Variants in MAP3K5 observed in about 807,000 individuals in gnomAD.
MAP3K5 encodes ASK-1.
Under a neutral mutation model 158.7 loss-of-function variants are expected in MAP3K5, and 56 were observed. The ratio of observed to expected loss-of-function variants is 0.35; its 90% CI spans 0.28 to 0.44. The LOEUF (loss-of-function observed/expected upper bound fraction) is 0.44, where lower values mean the gene tolerates loss of function less well. Ranked by LOEUF, MAP3K5 falls within the 20% of genes least tolerant of loss-of-function variation. The probability of loss-of-function intolerance (pLI) is 1.00; values close to 1 mark genes in which losing one functional copy is unlikely to be tolerated. For missense variants in MAP3K5, 1,294 were observed against 1,674.8 expected, an observed-to-expected ratio of 0.77 and a Z score of 3.97; for synonymous variants, 579 against 601.7, an observed-to-expected ratio of 0.96 and a Z score of 0.55.
intron 1 of MAP3K5, among the ~76,000 whole-genome samples, chr6:136,770,136 T>G (rs548315208): frequency 6.6e-6 from 1 of 152,262 alleles, no homozygotes; most frequent in East Asian, 1.9e-4. Context: ...TTATTTATTT[T>G]TATTTTTTGA....
chr6:136,566,007 G>A (rs1774089383), intron 26 of MAP3K5, among the ~76,000 whole-genome samples: 1 of 152,214 alleles, frequency 6.6e-6, no homozygotes, highest in African/African-American at 2.4e-5. Flanking sequence ...TTTCAACAGA[G>A]ATGGGCAGAT....
intron 1 of MAP3K5, among the ~76,000 whole-genome samples, chr6:136,738,961 CA>C (rs1481027099): frequency 4.6e-5 from 7 of 152,198 alleles, no homozygotes; most frequent in Non-Finnish European, 7.4e-5. Flanking sequence ...CACACACACA[CA>C]CACACCCATG....
intron 14 of MAP3K5, chr6:136,637,037 T>C (rs1777669788): frequency 1.7e-6 from 2 of 1,200,066 alleles, no homozygotes; most frequent in Non-Finnish European, 2.1e-6. Context: ...GAATAGAGAA[T>C]GTGTAAGGAC....
chr6:136,714,693 C>T (rs950436824), intron 2 of MAP3K5, among the ~76,000 whole-genome samples: 13 of 152,012 alleles, frequency 8.6e-5, no homozygotes, highest in Admixed American at 5.9e-4. Flanking sequence ...TTCAAGATCC[C>T]GCTTTCAGTT....
chr6:136,683,344 T>C (rs556392648), intron 7 of MAP3K5, among the ~76,000 whole-genome samples: 37 of 152,332 alleles, frequency 2.4e-4, no homozygotes, highest in African/African-American at 8.7e-4. Context: ...CAGGAAAACA[T>C]TGCCTCAGTT....
At chr6:136,642,111 G>GT (rs1778005778) in intron 12 of MAP3K5, among the ~76,000 whole-genome samples, 1 of 151,060 alleles carries the variant, frequency 6.6e-6, no homozygotes, top group Admixed American at 6.6e-5. Context: ...GCAGGACACA[G>GT]TGTAGTAGAC....
chr6:136,574,324 G>A (rs757283096), intron 25 of MAP3K5, among the ~76,000 whole-genome samples: 186 of 152,260 alleles, frequency 1.2e-3, no homozygotes, highest in Non-Finnish European at 1.6e-3. Context: ...GAAGCTCCTC[G>A]TACGTACACA....
In MAP3K5 at chr6:136,590,786, C is replaced by T. The variant is rs550508258; in HGVS notation, c.3225+1387G>A. Among the ~76,000 whole-genome samples, 9 of 152,144 alleles carry T rather than the reference C, an allele frequency of 5.9e-5. No individual in the cohort carries two copies. The South Asian group carries it at 6.2e-4, about 11-fold the overall frequency. ...CGATCTCCTGACCTCGTGATCCACC[C>T]GCCTCAGCCTCCCAAAGTGCTGGGA... On this transcript the variant is annotated intron_variant, in intron 23 of 29. Coordinates refer to ENST00000359015, the MANE Select transcript of MAP3K5 (RefSeq NM_005923.4).
chr6:136,627,700 T>C (rs932944451), intron 14 of MAP3K5, among the ~76,000 whole-genome samples: 8 of 152,202 alleles, frequency 5.3e-5, no homozygotes, highest in Admixed American at 1.3e-4. Flanking sequence ...CTAGAGGAAG[T>C]AGGCCCTCAC....
intron 29 of MAP3K5, 22 bp downstream of exon 29, chr6:136,558,778 A>T (rs754785657): frequency 6.8e-7 from 1 of 1,472,042 alleles, no homozygotes; most frequent in Admixed American, 1.7e-5. Context: ...TTCCATAGTG[A>T]CAACAGAAAG....
At chr6:136,620,555 AG>A (rs1410870836) in intron 15 of MAP3K5, among the ~76,000 whole-genome samples, 6 of 152,144 alleles carry the variant, frequency 3.9e-5, no homozygotes, top group Non-Finnish European at 7.4e-5. Flanking sequence ...GTCCTTCCTA[AG>A]GAAGGCTGGT....
intron 7 of MAP3K5, among the ~76,000 whole-genome samples, chr6:136,693,446 C>A (rs1002024929): frequency 1.3e-5 from 2 of 152,138 alleles, no homozygotes; most frequent in African/African-American, 4.8e-5. Flanking sequence ...CACATGAAAA[C>A]CCCTGCTGGG....
intron 14 of MAP3K5, among the ~76,000 whole-genome samples, chr6:136,632,963 G>C (rs1012489041): frequency 6.6e-6 from 1 of 152,106 alleles, no homozygotes; most frequent in Non-Finnish European, 1.5e-5. Flanking sequence ...TGAATCAAAA[G>C]AAATTGATTT....
At chr6:136,676,481 C>T (rs4363056) in intron 7 of MAP3K5, among the ~76,000 whole-genome samples, 108,527 of 152,072 alleles carry the variant, frequency 0.71, 40,072 homozygotes, top group African/African-American at 0.92. Flanking sequence ...CTTAATGTTA[C>T]TGGAGTTCAC....
rs1359902624 is a variant in MAP3K5 at position 136,669,400 on chromosome 6, A to G, written c.1254-5T>C. 10 of 1,500,482 alleles carry G rather than the reference A, an allele frequency of 6.7e-6. No homozygotes were observed. The highest frequency in any genetic ancestry group is 9.3e-6 in the Non-Finnish European group (10 of 1,078,332). The allele number at this position is 1,500,482 out of a possible 1,614,324, so 92.9% of individuals were successfully genotyped here. On this transcript the variant is annotated splice_region_variant and splice_polypyrimidine_tract_variant and intron_variant, in intron 7 of 29. Transcript: ENST00000359015. ...GATTCAAATGCCTTTTTGAACCTAT[A>G]AAAAACCACAAATGTACAAGTTAAC... is the stretch of plus-strand genomic sequence containing the variant.
chr6:136,782,831 A>G (rs1784674327), intron 1 of MAP3K5, among the ~76,000 whole-genome samples: 1 of 152,236 alleles, frequency 6.6e-6, no homozygotes, highest in African/African-American at 2.4e-5. Context: ...AACCAAAAAC[A>G]CTACAAAATA....
intron 8 of MAP3K5, among the ~76,000 whole-genome samples, chr6:136,663,592 C>A (rs1779099921): frequency 6.8e-6 from 1 of 147,400 alleles, no homozygotes; most frequent in African/African-American, 2.5e-5. Flanking sequence ...GTTTTTATGT[C>A]TCTAAATTTC....
chr6:136,685,726 C>G (rs1780118962), intron 7 of MAP3K5, among the ~76,000 whole-genome samples: 1 of 152,142 alleles, frequency 6.6e-6, no homozygotes, highest in African/African-American at 2.4e-5. Flanking sequence ...ACACCTCACT[C>G]CTTATGCCAG....
chr6:136,646,244 C>T (rs1215673780), intron 11 of MAP3K5, among the ~76,000 whole-genome samples: 1 of 152,080 alleles, frequency 6.6e-6, no homozygotes, highest in African/African-American at 2.4e-5. Context: ...AAATAAAATT[C>T]CTCCTGATCA....
Sources: allele counts gnomAD v4.1 joint callset (sites outside exome capture counted in the v4.1 genomes callset), GRCh38; gene constraint gnomAD v4.1.1; transcripts MANE v1.5; gene names NCBI Gene and HGNC (gene_info 2026-07-23, HGNC 2026-07-21).